Variants in YEATS4 observed in about 807,000 individuals in gnomAD.
YEATS4 encodes the protein YEATS domain-containing protein 4.
YEATS4 carries 17 observed loss-of-function variants against 30.1 expected under a neutral mutation model. The observed-to-expected ratio is 0.56, with a 90% CI of 0.39 to 0.85. The LOEUF (loss-of-function observed/expected upper bound fraction) is 0.85, where lower values mean the gene tolerates loss of function less well. Among genes scored for constraint, YEATS4 ranks in the 40% least tolerant of loss-of-function variants. YEATS4 has a pLI of 0.00. For synonymous variants in YEATS4, 85 were observed against 87.5 expected (o/e 0.97, Z 0.16); for missense variants, 142 against 268.3 (o/e 0.53, Z 3.29).
the YEATS4 span, among the ~76,000 whole-genome samples, chr12:69,420,407 G>T: frequency 0.047 from 6,508 of 137,292 alleles, 379 homozygotes; most frequent in East Asian, 0.31. Flanking sequence ...GGTTTGGTTA[G>T]GGGGAGGGGG....
intron 6 of YEATS4, among the ~76,000 whole-genome samples, chr12:69,376,499 T>C (rs1168272093): frequency 1.3e-5 from 2 of 152,266 alleles, no homozygotes; most frequent in African/African-American, 4.8e-5. Flanking sequence ...ATTCTGTCGA[T>C]ATGAGGTATC....
downstream of YEATS4, among the ~76,000 whole-genome samples, chr12:69,391,590 T>C (rs1868315985): frequency 6.6e-6 from 1 of 152,146 alleles, no homozygotes; most frequent in Non-Finnish European, 1.5e-5. Context: ...GTTGTGACTT[T>C]TGCAATTATT....
At chr12:69,399,145 C>A in the YEATS4 span, among the ~76,000 whole-genome samples, 31 of 151,578 alleles carry the variant, frequency 2.0e-4, no homozygotes, top group African/African-American at 7.3e-4. Flanking sequence ...AGACTCCGTC[C>A]CCCCCAAAAA....
At chr12:69,424,144 C>T in the YEATS4 span, among the ~76,000 whole-genome samples, 6 of 152,100 alleles carry the variant, frequency 3.9e-5, no homozygotes, top group African/African-American at 1.4e-4. Context: ...CTTTTGGTTT[C>T]CAAAACTACT....
chr12:69,375,984 T>A (rs1188253578), intron 6 of YEATS4, among the ~76,000 whole-genome samples: 29 of 152,244 alleles, frequency 1.9e-4, no homozygotes, highest in Admixed American at 1.9e-3. Flanking sequence ...TTTTTTTGTA[T>A]GTTGATTTTG....
the YEATS4 span, among the ~76,000 whole-genome samples, chr12:69,421,964 T>A: frequency 6.6e-6 from 1 of 152,186 alleles, no homozygotes; most frequent in South Asian, 2.1e-4. Flanking sequence ...ACCCCTGCTT[T>A]AAGGGCTTGC....
chr12:69,408,421 G>A, the YEATS4 span, among the ~76,000 whole-genome samples: 1 of 152,210 alleles, frequency 6.6e-6, no homozygotes, highest in African/African-American at 2.4e-5. Context: ...CAAATGGGAG[G>A]TGTTAACACT....
the YEATS4 span, among the ~76,000 whole-genome samples, chr12:69,399,619 G>A: frequency 3.9e-5 from 6 of 152,160 alleles, no homozygotes; most frequent in Admixed American, 3.9e-4. Flanking sequence ...GTTACCATAT[G>A]ACCTCAAAAT....
the YEATS4 span, among the ~76,000 whole-genome samples, chr12:69,401,567 G>T: frequency 6.6e-6 from 1 of 152,208 alleles, no homozygotes; most frequent in Non-Finnish European, 1.5e-5. Context: ...CCCATGGCCC[G>T]ATGGCAATCT....
chr12:69,364,735 T>C (rs1267587106), intron 2 of YEATS4, among the ~76,000 whole-genome samples: 3 of 152,178 alleles, frequency 2.0e-5, no homozygotes, highest in African/African-American at 4.8e-5. Flanking sequence ...TTCTCCTGCC[T>C]CAGCCTCCTG....
Position 69,390,368 on chromosome 12 carries a change from T to C in YEATS4, c.*52T>C. The C allele has an allele frequency of 1.4e-6, 2 of 1,476,084 alleles. No homozygotes were observed. Among genetic ancestry groups the C allele is most frequent in the Non-Finnish European group, 1.8e-6 (2 of 1,110,834 alleles). 91.4% of individuals were successfully genotyped at this position (1,476,084 alleles called of 1,614,324 possible). ...AGCTAAACTGAAAATAAGGTGGGCTTCACTGGAGAAATGGACTTACTGCAA... is the reference window on the plus strand; with the variant it reads ...AGCTAAACTGAAAATAAGGTGGGCTCCACTGGAGAAATGGACTTACTGCAA... On this transcript the variant is annotated 3_prime_UTR_variant, in exon 7 of 7. Transcript: ENST00000247843.
chr12:69,412,493 A>G, the YEATS4 span, among the ~76,000 whole-genome samples: 1 of 152,000 alleles, frequency 6.6e-6, no homozygotes, highest in African/African-American at 2.4e-5. Context: ...TACTAAAAAT[A>G]CAAAAAAAAA....
the YEATS4 span, among the ~76,000 whole-genome samples, chr12:69,412,946 A>G: frequency 6.6e-6 from 1 of 152,016 alleles, no homozygotes; most frequent in South Asian, 2.1e-4. Context: ...TGGAAGGGGG[A>G]GGGAAAAGCA....
the YEATS4 span, among the ~76,000 whole-genome samples, chr12:69,418,843 G>C: frequency 6.6e-6 from 1 of 151,844 alleles, no homozygotes; most frequent in African/African-American, 2.4e-5. Context: ...TAATTTCTTG[G>C]GGGGCTAAGG....
chr12:69,377,418 T>G (rs1475474578), intron 6 of YEATS4, among the ~76,000 whole-genome samples: 1 of 150,706 alleles, frequency 6.6e-6, no homozygotes, highest in African/African-American at 2.5e-5. Flanking sequence ...CCTCCTTCCC[T>G]CCTTTCTTTC....
chr12:69,384,580 C>G (rs1329182419), intron 6 of YEATS4, among the ~76,000 whole-genome samples: 1 of 152,084 alleles, frequency 6.6e-6, no homozygotes, highest in African/African-American at 2.4e-5. Flanking sequence ...ATAGTACTTA[C>G]CAAAACAAAT....
At chr12:69,383,801 A>G (rs944939466) in intron 6 of YEATS4, among the ~76,000 whole-genome samples, 3 of 152,140 alleles carry the variant, frequency 2.0e-5, no homozygotes, top group African/African-American at 7.2e-5. Context: ...ACTGTGGGCA[A>G]CTCTGTCTTG....
At chr12:69,386,554 C>T (rs561907410) in intron 6 of YEATS4, among the ~76,000 whole-genome samples, 2 of 152,268 alleles carry the variant, frequency 1.3e-5, no homozygotes, top group South Asian at 4.1e-4. Context: ...TACCTCATAA[C>T]ATTAGTGCAT....
At chr12:69,412,703 C>G in the YEATS4 span, among the ~76,000 whole-genome samples, 1 of 152,208 alleles carries the variant, frequency 6.6e-6, no homozygotes, top group African/African-American at 2.4e-5. Context: ...CGAGGAAAGT[C>G]AAACACTGAG....
Sources: gnomAD v4.1 joint callset for allele counts (sites outside exome capture counted in the v4.1 genomes callset) on GRCh38, gnomAD v4.1.1 for gene constraint, MANE v1.5 for transcripts, NCBI Gene and HGNC (gene_info 2026-07-23, HGNC 2026-07-21) for gene names.